C11orf65: variants seen among roughly 807,000 people sequenced by gnomAD.
The protein encoded by C11orf65 is protein MFI.
A neutral mutation model predicts 35.3 loss-of-function variants in C11orf65; 38 were observed. The observed-to-expected ratio is 1.08, with a 90% confidence interval of 0.83 to 1.41. The LOEUF is 1.41. Among genes scored for constraint, C11orf65 ranks in the 40% most tolerant of loss-of-function variants. The pLI is 0.00. For synonymous variants in C11orf65, 105 were observed against 114.4 expected, an observed-to-expected ratio of 0.92 and a Z score of 0.53; for missense variants, 370 against 367.1, an observed-to-expected ratio of 1.01 and a Z score of -0.06.
intron 2 of C11orf65, among the ~76,000 whole-genome samples, chr11:108,459,310 G>A (rs1470918448): frequency 6.6e-6 from 1 of 151,920 alleles, no homozygotes; most frequent in Admixed American, 6.6e-5. Flanking sequence ...CTAATAGTAT[G>A]TATCTGTCTA....
intron 3 of C11orf65, chr11:108,331,815 A>C: frequency 6.4e-7 from 1 of 1,568,348 alleles, no homozygotes; most frequent in Non-Finnish European, 8.8e-7. Context: ...TGTTAAGCAA[A>C]ATGAAAAATA....
chr11:108,344,727 G>A (rs865848870), intron 2 of C11orf65, among the ~76,000 whole-genome samples: 1 of 152,046 alleles, frequency 6.6e-6, no homozygotes, highest in Non-Finnish European at 1.5e-5. Context: ...TTGGGGGGCG[G>A]GTGTGGTAGC....
Position 108,326,096 on chromosome 11 carries a change from T to C in C11orf65, c.641-17025A>G, listed in dbSNP as rs541718119. ...CAATATTTCAAATTAAACAGTACAA[T>C]TCAGTTAGCTGTGGAGTCTCTGAGT... On this transcript the variant is annotated intron_variant, in intron 6 of 6. Transcript: ENST00000525729. 2 of 1,614,130 alleles carry C rather than the reference T, an allele frequency of 1.2e-6. No homozygotes were observed. Among genetic ancestry groups the C allele is most frequent in the Admixed American group, 1.7e-5 (1 of 60,028 alleles).
intron 2 of C11orf65, among the ~76,000 whole-genome samples, chr11:108,336,613 G>T (rs1440353486): frequency 6.6e-6 from 1 of 152,210 alleles, no homozygotes; most frequent in Admixed American, 6.5e-5. Flanking sequence ...AAACAACGCT[G>T]TATTGTAGTG....
chr11:108,408,440 C>T (rs1056326977), intron 3 of C11orf65, among the ~76,000 whole-genome samples: 13 of 151,880 alleles, frequency 8.6e-5, no homozygotes, highest in South Asian at 4.2e-4. Flanking sequence ...TTTGGGAAGC[C>T]GAGGAGGGTG....
chr11:108,336,116 G>A, intron 2 of C11orf65: 1 of 590,348 alleles, frequency 1.7e-6, no homozygotes, highest in South Asian at 1.9e-5. Context: ...CAGCAACATA[G>A]TGAGACCCCA....
intron 2 of C11orf65, among the ~76,000 whole-genome samples, chr11:108,448,820 A>G (rs1247674629): frequency 2.0e-5 from 3 of 152,330 alleles, no homozygotes; most frequent in Admixed American, 6.5e-5. Context: ...AGGGTATTCA[A>G]TTAGGAAAAG....
intron 3 of C11orf65, among the ~76,000 whole-genome samples, chr11:108,408,764 A>G (rs1249531121): frequency 6.6e-6 from 1 of 150,982 alleles, no homozygotes; most frequent in Admixed American, 6.6e-5. Flanking sequence ...TAGGTTTTCT[A>G]GATTTTAGTT....
At chr11:108,409,169 T>C (rs1416707014) in intron 3 of C11orf65, among the ~76,000 whole-genome samples, 4 of 152,202 alleles carry the variant, frequency 2.6e-5, no homozygotes, top group Non-Finnish European at 5.9e-5. Context: ...TAGTTGTAGA[T>C]AGCAGCAGTT....
chr11:108,460,779 G>C (rs1251668499), intron 2 of C11orf65, among the ~76,000 whole-genome samples: 2 of 152,018 alleles, frequency 1.3e-5, no homozygotes, highest in African/African-American at 4.8e-5. Flanking sequence ...AGGCTGAAGT[G>C]CAATGGCGTG....
At chr11:108,336,187 C>T (rs1404255971) in intron 2 of C11orf65, 9 of 443,456 alleles carry the variant, frequency 2.0e-5, no homozygotes, top group Non-Finnish European at 3.7e-5. Flanking sequence ...CTTGTAGTCC[C>T]TTAGCTACAT....
intron 2 of C11orf65, among the ~76,000 whole-genome samples, chr11:108,360,069 A>AG (rs1491221414): frequency 6.8e-6 from 1 of 145,992 alleles, no homozygotes; most frequent in Non-Finnish European, 1.6e-5. Context: ...TAAAGAAAAA[A>AG]GAGAGAAGAA....
intron 5 of C11orf65, 81 bp downstream of exon 5, chr11:108,406,682 A>G (rs1435146879): frequency 2.0e-5 from 19 of 933,706 alleles, no homozygotes; most frequent in Non-Finnish European, 2.7e-5. Flanking sequence ...ATTTTAAAAA[A>G]TAATTTTAAA....
At chr11:108,364,767 A>G (rs891982710) in intron 2 of C11orf65, among the ~76,000 whole-genome samples, 1 of 152,198 alleles carries the variant, frequency 6.6e-6, no homozygotes, top group Admixed American at 6.5e-5. Flanking sequence ...ACACTAACCC[A>G]GGGTTAAGAG....
chr11:108,335,356 A>G (rs1268590034), intron 2 of C11orf65: 3 of 1,224,052 alleles, frequency 2.5e-6, no homozygotes, highest in Admixed American at 2.8e-5. Context: ...ATGTACAGAC[A>G]TGTACAGTGA....
At chr11:108,443,079 A>T (rs2093185281) in intron 2 of C11orf65, among the ~76,000 whole-genome samples, 1 of 152,222 alleles carries the variant, frequency 6.6e-6, no homozygotes, top group Admixed American at 6.5e-5. Context: ...GACCCATCTC[A>T]TGTGCAGAGA....
At chr11:108,409,082 A>G (rs1227165911) in intron 3 of C11orf65, among the ~76,000 whole-genome samples, 4 of 152,166 alleles carry the variant, frequency 2.6e-5, no homozygotes, top group African/African-American at 9.7e-5. Flanking sequence ...GAATTTTTAC[A>G]TATGTATTGT....
intron 6 of C11orf65, among the ~76,000 whole-genome samples, chr11:108,401,690 G>A (rs1591472074): frequency 6.6e-6 from 1 of 151,962 alleles, no homozygotes; most frequent in Non-Finnish European, 1.5e-5. Context: ...TTTGTTCAGG[G>A]CTCAGTCCTT....
At chr11:108,430,127 C>CTT (rs34005627) in intron 3 of C11orf65, among the ~76,000 whole-genome samples, 8 of 113,406 alleles carry the variant, frequency 7.1e-5, no homozygotes, top group Admixed American at 2.0e-4. Flanking sequence ...GAACTGTATT[C>CTT]TTTTTTTTTT....
Sources: gnomAD v4.1 joint callset for allele counts (sites outside exome capture counted in the v4.1 genomes callset) on GRCh38, gnomAD v4.1.1 for gene constraint, MANE v1.5 for transcripts, NCBI Gene and HGNC (gene_info 2026-07-23, HGNC 2026-07-21) for gene names.